Variants in ZFAND6 observed in about 807,000 individuals in gnomAD.
The protein encoded by ZFAND6 is zinc finger AN1-type containing 6.
A neutral mutation model predicts 24.5 loss-of-function variants in ZFAND6; 12 were observed. The ratio of observed to expected loss-of-function variants is 0.49; its 90% CI spans 0.31 to 0.79. ZFAND6 has a LOEUF of 0.79. Ranked by LOEUF, ZFAND6 falls within the 30% of genes least tolerant of loss-of-function variation. ZFAND6 has a pLI of 0.04. For missense variants in ZFAND6, 207 were observed against 245.9 expected, an observed-to-expected ratio of 0.84 and a Z score of 1.06; for synonymous variants, 92 against 81.5, an observed-to-expected ratio of 1.13 and a Z score of -0.69.
Position 80,120,415 on chromosome 15 carries a change from C to G in ZFAND6, c.71C>G (p.Pro24Arg). ...CSTGCGFYGN[P>R]RTNGMCSVCY... ...ACTGGCTGTGGATTTTATGGAAACC[C>G]TCGTACAAATGGCATGTGTTCAGTA... The change falls in exon 3 of 7, where the codon CCT (proline) becomes CGT (arginine). Residue 24 changes from proline (P) to arginine (R), a missense_variant. Pro to Arg is a moderately radical substitution (Grantham distance 103). This residue lies in a region of ZFAND6 where 29 missense variants were observed against 55.4 expected (regional missense o/e 0.52). Transcript: ENST00000261749. 1 of 1,606,462 alleles carries G rather than the reference C, an allele frequency of 6.2e-7. No homozygotes were observed. The highest frequency in any genetic ancestry group is 1.1e-5 in the South Asian group (1 of 90,164).
chr15:80,093,103 C>T (rs913570501), intron 1 of ZFAND6, among the ~76,000 whole-genome samples: 5 of 151,586 alleles, frequency 3.3e-5, no homozygotes, highest in South Asian at 2.1e-4. Flanking sequence ...TACAGATGTG[C>T]GCTACCATGC....
chr15:80,097,161 TG>T (rs1175560364), intron 1 of ZFAND6, among the ~76,000 whole-genome samples: 1 of 151,680 alleles, frequency 6.6e-6, no homozygotes, highest in Non-Finnish European at 1.5e-5. Flanking sequence ...CACCATGCCC[TG>T]CTAATTTTTG....
intron 6 of ZFAND6, among the ~76,000 whole-genome samples, chr15:80,133,494 C>T (rs766108547): frequency 6.6e-6 from 1 of 151,986 alleles, no homozygotes; most frequent in Non-Finnish European, 1.5e-5. Flanking sequence ...CACACCTGGC[C>T]GGTTTGGTAA....
intron 2 of ZFAND6, among the ~76,000 whole-genome samples, chr15:80,103,853 A>G (rs1356648666): frequency 6.6e-6 from 1 of 152,118 alleles, no homozygotes; most frequent in African/African-American, 2.4e-5. Context: ...CATTATTATT[A>G]TTGTTTTTTT....
At chr15:80,132,761 A>G (rs996570936) in intron 6 of ZFAND6, among the ~76,000 whole-genome samples, 1 of 152,206 alleles carries the variant, frequency 6.6e-6, no homozygotes, top group Non-Finnish European at 1.5e-5. Flanking sequence ...TGATGCCACT[A>G]GCACTAGTGA....
At chr15:80,131,448 G>A (rs1054463261) in intron 6 of ZFAND6, 155 bp downstream of exon 6, 14 of 571,514 alleles carry the variant, frequency 2.4e-5, no homozygotes, top group East Asian at 1.2e-4. Flanking sequence ...AATAAAAATA[G>A]CTTTGATTAT....
chr15:80,070,115 G>A (rs2036892220), intron 1 of ZFAND6, among the ~76,000 whole-genome samples: 1 of 152,184 alleles, frequency 6.6e-6, no homozygotes, highest in Admixed American at 6.5e-5. Flanking sequence ...CTAAGAAAGT[G>A]TTTGCCCTGT....
intron 1 of ZFAND6, among the ~76,000 whole-genome samples, chr15:80,081,466 C>T (rs988199816): frequency 5.9e-5 from 9 of 152,200 alleles, no homozygotes; most frequent in Admixed American, 5.9e-4. Flanking sequence ...AGAACCAGAA[C>T]AGTTCAGGAG....
At chr15:80,090,253 T>C (rs554744990) in intron 1 of ZFAND6, among the ~76,000 whole-genome samples, 1 of 152,196 alleles carries the variant, frequency 6.6e-6, no homozygotes, top group African/African-American at 2.4e-5. Context: ...AAGAAATGCC[T>C]CTTGAATTGA....
At chr15:80,086,324 C>A (rs2038004139) in intron 1 of ZFAND6, among the ~76,000 whole-genome samples, 1 of 152,254 alleles carries the variant, frequency 6.6e-6, no homozygotes, top group African/African-American at 2.4e-5. Flanking sequence ...AGGCATGAGC[C>A]ACTTGCACCC....
intron 6 of ZFAND6, among the ~76,000 whole-genome samples, chr15:80,136,524 T>C (rs1007949112): frequency 3.0e-4 from 45 of 152,260 alleles, no homozygotes; most frequent in African/African-American, 9.6e-4. Flanking sequence ...ACTTCAAGAT[T>C]AGAAGGGTGA....
intron 1 of ZFAND6, among the ~76,000 whole-genome samples, chr15:80,078,552 T>C (rs2037430765): frequency 6.6e-6 from 1 of 152,216 alleles, no homozygotes; most frequent in South Asian, 2.1e-4. Flanking sequence ...GTAAAATGAT[T>C]TATTTTCTTT....
At chr15:80,102,627 A>G (rs971570696) in intron 2 of ZFAND6, among the ~76,000 whole-genome samples, 1 of 152,194 alleles carries the variant, frequency 6.6e-6, no homozygotes, top group African/African-American at 2.4e-5. Flanking sequence ...ACATTAATTT[A>G]GAGTCTTTCA....
chr15:80,109,367 G>A (rs528438180), intron 2 of ZFAND6, among the ~76,000 whole-genome samples: 5 of 152,258 alleles, frequency 3.3e-5, no homozygotes, highest in Admixed American at 6.5e-5. Flanking sequence ...GGACGTTGAA[G>A]AAAAATAAAA....
chr15:80,114,353 A>C (rs2039763069), intron 2 of ZFAND6, among the ~76,000 whole-genome samples: 1 of 152,216 alleles, frequency 6.6e-6, no homozygotes. Context: ...CATAGTTTCT[A>C]GGGAAATTAG....
intron 2 of ZFAND6, among the ~76,000 whole-genome samples, chr15:80,105,487 A>T (rs1337810577): frequency 3.3e-5 from 5 of 152,232 alleles, no homozygotes; most frequent in Non-Finnish European, 7.3e-5. Flanking sequence ...GATGAACTGC[A>T]GATATGTGAC....
At chr15:80,136,748 A>G (rs866666278) in intron 6 of ZFAND6, among the ~76,000 whole-genome samples, 12 of 152,226 alleles carry the variant, frequency 7.9e-5, no homozygotes, top group African/African-American at 2.9e-4. Context: ...GAGCAGGACC[A>G]GTTTTATTTA....
chr15:80,101,294 T>G (rs2141943813), intron 2 of ZFAND6, among the ~76,000 whole-genome samples: 1 of 152,178 alleles, frequency 6.6e-6, no homozygotes, highest in Non-Finnish European at 1.5e-5. Flanking sequence ...AACCTCCGTC[T>G]CTACTAAAGA....
chr15:80,065,418 C>G (rs983350752), intron 1 of ZFAND6, among the ~76,000 whole-genome samples: 1 of 151,778 alleles, frequency 6.6e-6, no homozygotes, highest in Admixed American at 6.6e-5. Flanking sequence ...ATTTTGTAAA[C>G]AAGTGTGTTT....
Sources: allele counts gnomAD v4.1 joint callset (sites outside exome capture counted in the v4.1 genomes callset), GRCh38; gene constraint gnomAD v4.1.1; regional missense constraint gnomAD v4.1.1; transcripts MANE v1.5; gene names NCBI Gene and HGNC (gene_info 2026-07-23, HGNC 2026-07-21).